Variants in TBXAS1 observed in about 807,000 individuals in gnomAD.
TBXAS1 encodes thromboxane A synthase 1.
In TBXAS1, 48 loss-of-function variants were observed where a neutral mutation model predicts 60.7. The ratio of observed to expected loss-of-function variants is 0.79; its 90% CI spans 0.63 to 1.01. TBXAS1 has a LOEUF of 1.01. Among genes scored for constraint, TBXAS1 ranks in the 50% least tolerant of loss-of-function variants. The pLI, the probability that TBXAS1 is intolerant of heterozygous loss-of-function variation, is 0.00. For missense variants in TBXAS1, 685 were observed against 686.3 expected, an observed-to-expected ratio of 1.00 and a Z score of 0.02; for synonymous variants, 287 against 269.7, an observed-to-expected ratio of 1.06 and a Z score of -0.63.
At chr7:140,005,433 A>C (rs1176127909) in intron 9 of TBXAS1, among the ~76,000 whole-genome samples, 1 of 152,150 alleles carries the variant, frequency 6.6e-6, no homozygotes, top group Non-Finnish European at 1.5e-5. Flanking sequence ...TGTCTCAAAA[A>C]AAAAATAAAT....
chr7:139,861,127 T>A (rs1364729806), intron 1 of TBXAS1, among the ~76,000 whole-genome samples: 1 of 150,340 alleles, frequency 6.7e-6, no homozygotes, highest in Admixed American at 6.6e-5. Context: ...TGAGCTGAGA[T>A]CATGCCATTG....
At position 139,879,577 on chromosome 7, in the gene TBXAS1, G is replaced by A. The variant is rs538013687; in HGVS notation, c.236+3940G>A. Among the ~76,000 whole-genome samples, 40 of 151,942 alleles carry A rather than the reference G, an allele frequency of 2.6e-4. 1 individual carries two copies. In the South Asian group the frequency reaches 5.4e-3, roughly 21 times the overall value. ...ATCAACATTATCGTCATACATTGGT[G>A]ATTGAATATGGTTTATATTCAATAT... On this transcript the variant is annotated intron_variant, in intron 3 of 12. Coordinates refer to ENST00000448866, the MANE Select transcript of TBXAS1 (RefSeq NM_001061.7).
At chr7:139,884,783 A>G (rs2116893311) in intron 3 of TBXAS1, among the ~76,000 whole-genome samples, 1 of 152,274 alleles carries the variant, frequency 6.6e-6, no homozygotes, top group South Asian at 2.1e-4. Context: ...GGAACCTGAG[A>G]AGCCCCCGGC....
At chr7:139,913,240 C>T (rs1584837714) in intron 4 of TBXAS1, 2 of 671,322 alleles carry the variant, frequency 3.0e-6, no homozygotes, top group African/African-American at 1.8e-5. Flanking sequence ...ATTGCTATCT[C>T]CTCGCTCAAA....
At chr7:139,788,035 A>ATT (rs1425375292) in intron 4 of TBXAS1, among the ~76,000 whole-genome samples, 17 of 152,364 alleles carry the variant, frequency 1.1e-4, no homozygotes, top group African/African-American at 4.1e-4. Context: ...ATAGTGATGA[A>ATT]TGTAAACAAC....
At chr7:139,955,631 C>A in intron 7 of TBXAS1, 24 bp downstream of exon 7, 1 of 1,613,284 alleles carries the variant, frequency 6.2e-7, no homozygotes, top group Non-Finnish European at 8.5e-7. Context: ...CAGCCCGGGG[C>A]GCTGCGATGA....
intron 4 of TBXAS1, among the ~76,000 whole-genome samples, chr7:139,930,593 AC>A (rs1807239902): frequency 6.6e-6 from 1 of 152,180 alleles, no homozygotes; most frequent in Non-Finnish European, 1.5e-5. Flanking sequence ...AGCAAATGCA[AC>A]CCGAGCTTCC....
intron 4 of TBXAS1, among the ~76,000 whole-genome samples, chr7:139,809,973 G>A (rs1797985452): frequency 6.6e-6 from 1 of 152,124 alleles, no homozygotes; most frequent in South Asian, 2.1e-4. Context: ...AAGGCATTAA[G>A]GACATCATTT....
Position 139,962,400 on chromosome 7 carries a change from G to A in TBXAS1, c.1134+167G>A, listed in dbSNP as rs112539445. ...TCTCCTGCTCTCCGGGTTAGCAAGC[G>A]AAATGAAATGTTGAGAACAATAACC... On this transcript the variant is annotated intron_variant, in intron 9 of 12. Transcript: ENST00000448866. The A allele has an allele frequency of 1.5e-3, 1,159 of 797,472 alleles. 11 individuals carry two copies. In the African/African-American group the frequency reaches 0.018, roughly 12 times the overall value. The allele number at this position is 797,472 out of a possible 1,614,324, so 49.4% of individuals were successfully genotyped here. A position where few individuals can be genotyped will look rare whatever the true frequency, so the allele number is the denominator to read the frequency against.
intron 1 of TBXAS1, among the ~76,000 whole-genome samples, chr7:139,844,211 A>G (rs1226871952): frequency 6.6e-6 from 1 of 152,188 alleles, no homozygotes; most frequent in Non-Finnish European, 1.5e-5. Flanking sequence ...ACACCAGACT[A>G]GGGGACAGGA....
intron 4 of TBXAS1, among the ~76,000 whole-genome samples, chr7:139,819,588 C>T (rs952702845): frequency 9.2e-5 from 14 of 152,054 alleles, no homozygotes; most frequent in African/African-American, 2.4e-4. Context: ...CTGCAACCTC[C>T]GCCTCCCAGG....
chr7:139,781,224 G>A (rs1053188165), intron 2 of TBXAS1, among the ~76,000 whole-genome samples: 1 of 152,208 alleles, frequency 6.6e-6, no homozygotes, highest in Non-Finnish European at 1.5e-5. Flanking sequence ...CTTGAAATGA[G>A]CTTAGATTTT....
rs188831283 is a variant in TBXAS1, at chr7:139,783,876, T to A, written c.-169+1147T>A. On this transcript the variant is annotated intron_variant, in intron 3 of 16. Transcript: ENST00000336425. Reference sequence around the variant, plus strand: ...GTGGCTTCTTAGATTGCAAATCGCATGCCCTTTCTTAGCCCCTCCCCTGCT... The same window carrying A: ...GTGGCTTCTTAGATTGCAAATCGCAAGCCCTTTCTTAGCCCCTCCCCTGCT... Among the ~76,000 whole-genome samples the A allele has an allele frequency of 4.6e-3, 700 of 152,266 alleles. 4 individuals are homozygous for A. The highest frequency in any genetic ancestry group is 0.012 in the African/African-American group (514 of 41,548).
intron 9 of TBXAS1, among the ~76,000 whole-genome samples, chr7:139,977,400 C>A (rs1811642373): frequency 6.6e-6 from 1 of 152,148 alleles, no homozygotes; most frequent in Non-Finnish European, 1.5e-5. Flanking sequence ...ATCACGAGAA[C>A]AGCACGGGAA....
At chr7:139,944,878 G>A (rs987143) in intron 5 of TBXAS1, among the ~76,000 whole-genome samples, 1 of 152,158 alleles carries the variant, frequency 6.6e-6, no homozygotes. Context: ...CAAACTTTCA[G>A]GAACTCCAAA....
intron 4 of TBXAS1, among the ~76,000 whole-genome samples, chr7:139,920,523 C>A (rs1223647488): frequency 2.0e-5 from 3 of 152,198 alleles, no homozygotes; most frequent in Non-Finnish European, 4.4e-5. Context: ...TTAACCTGGT[C>A]TCAGAGGACA....
chr7:139,957,519 G>A, intron 7 of TBXAS1, 115 bp from the exon 8 acceptor site: 1 of 1,403,376 alleles, frequency 7.1e-7, no homozygotes, highest in African/African-American at 1.4e-5. Flanking sequence ...GGGAGGGCAG[G>A]ACTCCAAAAC....
rs372284825 is a variant in TBXAS1, at chr7:139,872,295, T to G, written c.150T>G (p.Ser50=). Residue 50 remains serine, a synonymous_variant, in exon 2 of 13, where the codon TCT becomes TCG. Transcript: ENST00000448866. ...EKLGLRHPKP[S]PFIGNLTFFR... ...TAGGCCTCAGACATCCCAAGCCTTC[T>G]CCTTTCATTGGAAACTTGACATTTT... is the stretch of plus-strand genomic sequence containing the variant. 35 of 1,613,974 alleles carry G rather than the reference T, an allele frequency of 2.2e-5. No individual in the cohort carries two copies. The highest frequency in any genetic ancestry group is 3.0e-5 in the Non-Finnish European group (35 of 1,179,954).
intron 9 of TBXAS1, among the ~76,000 whole-genome samples, chr7:139,990,764 C>T (rs534238018): frequency 6.6e-6 from 1 of 151,706 alleles, no homozygotes; most frequent in Admixed American, 6.6e-5. Flanking sequence ...TGACCTCTAC[C>T]CCTGGCTGCC....
Sources: gnomAD v4.1 joint callset for allele counts (sites outside exome capture counted in the v4.1 genomes callset) on GRCh38, gnomAD v4.1.1 for gene constraint, MANE v1.5 for transcripts, NCBI Gene and HGNC (gene_info 2026-07-23, HGNC 2026-07-21) for gene names.